The following CDH18 variants were observed in gnomAD, a reference collection of about 807,000 sequenced individuals.
The protein encoded by CDH18 is cadherin 18.
In CDH18, 31 loss-of-function variants were observed where a neutral mutation model predicts 67.9. The observed-to-expected ratio is 0.46, with a 90% CI of 0.34 to 0.62. CDH18 has a LOEUF of 0.62. Among genes scored for constraint, CDH18 ranks in the 20% least tolerant of loss-of-function variants. The pLI is 0.01. For synonymous variants in CDH18, 362 were observed against 347.2 expected (o/e 1.04, Z -0.48); for missense variants, 890 against 975.5 (o/e 0.91, Z 1.17).
intron 1 of CDH18, among the ~76,000 whole-genome samples, chr5:20,301,628 C>T (rs1735916441): frequency 6.6e-6 from 1 of 152,154 alleles, no homozygotes; most frequent in African/African-American, 2.4e-5. Context: ...AATTTTGACT[C>T]TTCTGAAATA....
chr5:19,983,182 A>G (rs573756160), intron 1 of CDH18, among the ~76,000 whole-genome samples: 90 of 152,250 alleles, frequency 5.9e-4, no homozygotes, highest in Middle Eastern at 3.4e-3. Context: ...TAACCTAGAT[A>G]TTTTTATTTA....
intron 2 of CDH18, among the ~76,000 whole-genome samples, chr5:20,131,762 AC>A (rs1200515831): frequency 6.6e-5 from 10 of 152,294 alleles, no homozygotes; most frequent in African/African-American, 2.4e-4. Context: ...TAACTACACC[AC>A]TTTAAGGACA....
intron 2 of CDH18, among the ~76,000 whole-genome samples, chr5:20,038,475 C>T (rs774143937): frequency 6.6e-6 from 1 of 152,164 alleles, no homozygotes; most frequent in Non-Finnish European, 1.5e-5. Flanking sequence ...AATCCAGCAG[C>T]ACATCAGAAA....
intron 1 of CDH18, among the ~76,000 whole-genome samples, chr5:20,439,801 A>C (rs1749475655): frequency 6.6e-6 from 1 of 151,700 alleles, no homozygotes; most frequent in South Asian, 2.1e-4. Context: ...TGTGTTGAAG[A>C]CTTGTCATAG....
At chr5:19,701,096 T>TA (rs773816342) in intron 5 of CDH18, among the ~76,000 whole-genome samples, 10 of 152,102 alleles carry the variant, frequency 6.6e-5, no homozygotes, top group Non-Finnish European at 1.0e-4. Flanking sequence ...CAGAAAAAGA[T>TA]AAAAATATGG....
At chr5:19,491,735 T>A (rs533489280) in intron 11 of CDH18, among the ~76,000 whole-genome samples, 2 of 151,784 alleles carry the variant, frequency 1.3e-5, no homozygotes, top group Admixed American at 1.3e-4. Flanking sequence ...TCCTTTTAAG[T>A]GTTTTGTTAA....
At chr5:20,080,673 A>G (rs4866167) in intron 2 of CDH18, among the ~76,000 whole-genome samples, 151,967 of 152,182 alleles carry the variant, frequency 1, 75,876 homozygotes, top group Non-Finnish European at 1. Context: ...GTAGTAAAAC[A>G]AACTATAATT....
intron 1 of CDH18, among the ~76,000 whole-genome samples, chr5:20,419,861 C>T: frequency 6.6e-6 from 1 of 150,906 alleles, no homozygotes; most frequent in Non-Finnish European, 1.5e-5. Context: ...GGTCTATCCA[C>T]TTTCATGATT....
At chr5:20,130,058 ATAT>A (rs1249877883) in intron 2 of CDH18, among the ~76,000 whole-genome samples, 5 of 140,426 alleles carry the variant, frequency 3.6e-5, no homozygotes, top group Admixed American at 2.9e-4. Context: ...TTTAGTGGCA[ATAT>A]TATTATTATT....
rs557960471 is a variant in CDH18, at chr5:20,535,490, C to A, written c.-580+39972G>T. ...AATCTTCCAGCTTTAACATCCATAA[C>A]TTTATTTCCACCTGTGAAGTCCCTT... On this transcript the variant is annotated intron_variant, in intron 1 of 14. Transcript: ENST00000507958. 9.2e-5 allele frequency among the ~76,000 whole-genome samples: 14 copies of A among 152,222 alleles called. No homozygotes were observed. In the South Asian group the frequency reaches 2.7e-3, roughly 29 times the overall value.
At chr5:19,643,525 A>T (rs2150234062) in intron 5 of CDH18, among the ~76,000 whole-genome samples, 1 of 152,310 alleles carries the variant, frequency 6.6e-6, no homozygotes, top group East Asian at 1.9e-4. Flanking sequence ...GCCACTTCCA[A>T]TAACGTGGAT....
chr5:20,140,498 C>T (rs1180304072), intron 2 of CDH18, among the ~76,000 whole-genome samples: 2 of 151,800 alleles, frequency 1.3e-5, no homozygotes, highest in Admixed American at 1.3e-4. Context: ...AAAAGAAATT[C>T]TTTAGGAATA....
intron 2 of CDH18, among the ~76,000 whole-genome samples, chr5:19,904,312 A>G (rs1456045079): frequency 2.1e-5 from 3 of 143,418 alleles, no homozygotes; most frequent in Non-Finnish European, 4.6e-5. Context: ...AAAAGAAAAA[A>G]CGAAAAGAAA....
intron 2 of CDH18, among the ~76,000 whole-genome samples, chr5:20,242,294 CA>C (rs1452895452): frequency 6.6e-6 from 1 of 151,840 alleles, no homozygotes; most frequent in Non-Finnish European, 1.5e-5. Context: ...GCGGCAAAAA[CA>C]TTTAAAATGT....
rs991017684 is a variant in CDH18, at chr5:20,157,861, C to T, written c.-518+97583G>A. ...TTCACCATGTTGGCCAGGATGGTCT[C>T]GATCTCCTGACCTTGTGATCTGCCC... On this transcript the variant is annotated intron_variant, in intron 2 of 14. Transcript: ENST00000507958. Among the ~76,000 whole-genome samples, 18 of 152,034 alleles carry T rather than the reference C, an allele frequency of 1.2e-4. 1 individual carries two copies. The highest frequency in any genetic ancestry group is 2.6e-4 in the Admixed American group (4 of 15,252).
intron 2 of CDH18, among the ~76,000 whole-genome samples, chr5:20,084,574 T>C (rs1247846457): frequency 1.3e-5 from 2 of 152,162 alleles, no homozygotes; most frequent in Admixed American, 1.3e-4. Context: ...ACATTTCCCT[T>C]CTGCACTGCC....
chr5:20,383,678 T>G (rs1247905579), intron 1 of CDH18, among the ~76,000 whole-genome samples: 3 of 152,146 alleles, frequency 2.0e-5, no homozygotes, highest in African/African-American at 7.2e-5. Context: ...TATACCAAAA[T>G]GCCTTTTTGG....
At chr5:19,589,582 C>T (rs1744756517) in intron 7 of CDH18, among the ~76,000 whole-genome samples, 1 of 152,096 alleles carries the variant, frequency 6.6e-6, no homozygotes, top group African/African-American at 2.4e-5. Context: ...GTTGGGAATG[C>T]AGTGATAAGT....
chr5:20,117,694 T>C (rs1353111728), intron 2 of CDH18, among the ~76,000 whole-genome samples: 1 of 152,176 alleles, frequency 6.6e-6, no homozygotes, highest in African/African-American at 2.4e-5. Flanking sequence ...AATTATAATA[T>C]ATGATGCTAT....
Sources: allele counts gnomAD v4.1 joint callset (sites outside exome capture counted in the v4.1 genomes callset), GRCh38; gene constraint gnomAD v4.1.1; transcripts MANE v1.5; gene names NCBI Gene and HGNC (gene_info 2026-07-23, HGNC 2026-07-21).